SMG1: variants seen among roughly 807,000 people sequenced by gnomAD.
SMG1 encodes SMG1 nonsense mediated mRNA decay associated PI3K related kinase.
In SMG1, 22 loss-of-function variants were observed where a neutral mutation model predicts 419.9. The ratio of observed to expected loss-of-function variants is 0.05; its 90% CI spans 0.04 to 0.07. The LOEUF (loss-of-function observed/expected upper bound fraction) is 0.07. Among genes scored for constraint, SMG1 ranks in the 10% least tolerant of loss-of-function variants. The probability of loss-of-function intolerance (pLI) is 1.00; values close to 1 mark genes in which losing one functional copy is unlikely to be tolerated. For synonymous variants in SMG1, 1,538 were observed against 1,553.5 expected, an observed-to-expected ratio of 0.99 and a Z score of 0.23; for missense variants, 3,185 against 4,342.0, an observed-to-expected ratio of 0.73 and a Z score of 7.49.
rs766400993 is a variant in SMG1 at position 18,850,196 on chromosome 16, A to G, written c.5283+41T>C. 3.8e-6 allele frequency: 6 copies of G among 1,579,838 alleles called. No individual in the cohort carries two copies. The African/African-American group carries it at 6.8e-5, about 18-fold the overall frequency. On this transcript the variant is annotated intron_variant, in intron 34 of 62. Transcript: ENST00000446231. Reference sequence around the variant, plus strand: ...ACACTACTTTTGTTTAATAAGAAAAAGTTTCCAAAATAAATTTTCTTAGAA... The same window carrying G: ...ACACTACTTTTGTTTAATAAGAAAAGGTTTCCAAAATAAATTTTCTTAGAA...
At chr16:18,810,078 A>C (rs2031237321) in intron 62 of SMG1, among the ~76,000 whole-genome samples, 1 of 152,200 alleles carries the variant, frequency 6.6e-6, no homozygotes, top group Non-Finnish European at 1.5e-5. Context: ...TGCTGATGTT[A>C]AAATTGAATT....
chr16:18,863,044 G>T (rs2035297113), intron 25 of SMG1, among the ~76,000 whole-genome samples: 1 of 152,182 alleles, frequency 6.6e-6, no homozygotes, highest in Admixed American at 6.5e-5. Flanking sequence ...TGCTTTAAAA[G>T]GTTGGAATTT....
In SMG1 at chr16:18,842,415, T is replaced by C. The variant is rs760971210; in HGVS notation, c.6259A>G (p.Ser2087Gly). 8.1e-6 allele frequency: 13 copies of C among 1,613,866 alleles called. No homozygotes were observed. The highest frequency in any genetic ancestry group is 1.6e-4 in the Middle Eastern group (1 of 6,084). The part of the protein sequence containing the change: ...SLQQRAQKRA[S>G]YILRLEEISP... ...ATTTCTTCAAGACGCAAGATGTAACTTGCACGTTTCTGTGCTCTCTGTTGC... is the reference window on the plus strand; with the variant it reads ...ATTTCTTCAAGACGCAAGATGTAACCTGCACGTTTCTGTGCTCTCTGTTGC... The change falls in exon 40 of 63, where the codon AGT (serine) becomes GGT (glycine). Residue 2087 changes from serine (S) to glycine (G), a missense_variant. Ser to Gly is a moderately conservative substitution (Grantham distance 56). Transcript: ENST00000446231.
At chr16:18,888,023 A>C (rs1163409883) in intron 6 of SMG1, among the ~76,000 whole-genome samples, 3 of 151,506 alleles carry the variant, frequency 2.0e-5, no homozygotes, top group Non-Finnish European at 4.4e-5. Context: ...AAACTTAGCC[A>C]GGCTAGTGGC....
chr16:18,827,705 T>TTA (rs1452288495), intron 55 of SMG1, among the ~76,000 whole-genome samples: 46 of 144,352 alleles, frequency 3.2e-4, no homozygotes, highest in South Asian at 6.3e-4. Context: ...AATATATATT[T>TTA]TATATATATA....
chr16:18,834,168 C>T, intron 50 of SMG1, 36 bp downstream of exon 50: 2 of 1,452,670 alleles, frequency 1.4e-6, no homozygotes, highest in South Asian at 2.5e-5. Context: ...TATTCAGTAT[C>T]TAAAACAAAC....
At chr16:18,815,723 G>A in intron 58 of SMG1, 72 bp from the exon 59 acceptor site, 1 of 1,266,966 alleles carries the variant, frequency 7.9e-7, no homozygotes, top group Non-Finnish European at 1.1e-6. Context: ...CAGTCACCTA[G>A]TGATTAAGTA....
At chr16:18,858,769 T>TA (rs1424217220) in intron 28 of SMG1, 1 of 378,338 alleles carries the variant, frequency 2.6e-6, no homozygotes, top group African/African-American at 2.1e-5. Flanking sequence ...TGTCTTTACA[T>TA]ACACCACCTC....
At chr16:18,903,051 C>CT (rs1383393470) in intron 1 of SMG1, among the ~76,000 whole-genome samples, 1 of 152,140 alleles carries the variant, frequency 6.6e-6, no homozygotes, top group African/African-American at 2.4e-5. Context: ...TCTCGCACTC[C>CT]TGGGCTCAAG....
intron 55 of SMG1, 61 bp downstream of exon 55, chr16:18,827,970 T>A: frequency 6.5e-7 from 1 of 1,541,056 alleles, no homozygotes; most frequent in Non-Finnish European, 8.8e-7. Flanking sequence ...GCACTAACAA[T>A]CATAGTATTG....
At chr16:18,863,418 C>T (rs1375255690) in intron 25 of SMG1, among the ~76,000 whole-genome samples, 3 of 152,324 alleles carry the variant, frequency 2.0e-5, no homozygotes, top group East Asian at 1.9e-4. Context: ...TTTAGAACAA[C>T]AGGTTCTGAA....
intron 41 of SMG1, among the ~76,000 whole-genome samples, chr16:18,841,198 G>A (rs577807622): frequency 7.2e-5 from 11 of 152,170 alleles, no homozygotes; most frequent in East Asian, 5.8e-4. Context: ...CCAGGAGTTC[G>A]AGACCAACCT....
intron 56 of SMG1, among the ~76,000 whole-genome samples, chr16:18,818,276 T>C (rs922248236): frequency 2.0e-5 from 3 of 151,992 alleles, no homozygotes; most frequent in Non-Finnish European, 2.9e-5. Context: ...TCCCAGCTAC[T>C]TGGGAGGCTG....
chr16:18,886,466 G>C (rs914385981), intron 6 of SMG1, among the ~76,000 whole-genome samples: 3 of 152,040 alleles, frequency 2.0e-5, no homozygotes, highest in African/African-American at 7.3e-5. Flanking sequence ...GAAAAGCTCT[G>C]CTTTACATAG....
chr16:18,912,704 T>G (rs939514486), intron 1 of SMG1, among the ~76,000 whole-genome samples: 1 of 152,116 alleles, frequency 6.6e-6, no homozygotes, highest in African/African-American at 2.4e-5. Context: ...ATTTATAATT[T>G]TAGTATTCTC....
At chr16:18,847,358 T>C (rs2034326109) in intron 38 of SMG1, 95 bp downstream of exon 38, 2 of 1,353,880 alleles carry the variant, frequency 1.5e-6, no homozygotes, top group East Asian at 2.4e-5. Context: ...CACTGAATTG[T>C]ACACTTAAAA....
Position 18,816,458 on chromosome 16 carries a change from A to C in SMG1, c.10146T>G (p.Asp3382Glu). The C allele has an allele frequency of 6.2e-7, 1 of 1,613,974 alleles. No individual in the cohort carries two copies. Among genetic ancestry groups the C allele is most frequent in the Non-Finnish European group, 8.5e-7 (1 of 1,179,870 alleles). Residue 3382 changes from aspartate to glutamate, a missense_variant, in exon 58 of 63, where the codon GAT becomes GAG. Physicochemically the swap from Asp to Glu is conservative, Grantham distance 45. This residue lies in a region of SMG1 where 737 missense variants were observed against 846.6 expected (regional missense o/e 0.87). Transcript: ENST00000446231. ...TCTGAATTGCCCTCTGAGTAGACAT[A>C]TCCTGGGTCAACTGTTTGTGTGCTG... ...LLSAHKQLTQDMSTQRAIQTE... is the reference protein window; with the variant it reads ...LLSAHKQLTQEMSTQRAIQTE...
intron 60 of SMG1, 88 bp from the exon 61 acceptor site, chr16:18,812,215 G>T: frequency 1.6e-6 from 2 of 1,220,930 alleles, no homozygotes; most frequent in Non-Finnish European, 2.3e-6. Flanking sequence ...GGTGGTAGTG[G>T]TTGATACCCC....
At chr16:18,910,357 A>G (rs2037745343) in intron 1 of SMG1, among the ~76,000 whole-genome samples, 2 of 151,382 alleles carry the variant, frequency 1.3e-5, no homozygotes, top group Admixed American at 6.6e-5. Flanking sequence ...CAGCCTCCCA[A>G]ATAGCTGGGA....
Sources: gnomAD v4.1 joint callset for allele counts (sites outside exome capture counted in the v4.1 genomes callset) on GRCh38, gnomAD v4.1.1 for gene constraint, gnomAD v4.1.1 regional missense constraint, MANE v1.5 for transcripts, NCBI Gene and HGNC (gene_info 2026-07-23, HGNC 2026-07-21) for gene names.